KIFC3: variants seen among roughly 807,000 people sequenced by gnomAD.
The protein encoded by KIFC3 is kinesin-like protein KIFC3.
A neutral mutation model predicts 101.8 loss-of-function variants in KIFC3; 60 were observed. The ratio of observed to expected loss-of-function variants is 0.59; its 90% CI spans 0.48 to 0.73. The LOEUF is 0.73. Among genes scored for constraint, KIFC3 ranks in the 30% least tolerant of loss-of-function variants. The pLI is 0.00. For missense variants in KIFC3, 966 were observed against 1,137.1 expected, an observed-to-expected ratio of 0.85 and a Z score of 2.16; for synonymous variants, 476 against 482.7, an observed-to-expected ratio of 0.99 and a Z score of 0.18.
intron 3 of KIFC3, among the ~76,000 whole-genome samples, chr16:57,791,956 CT>C (rs2149171245): frequency 6.6e-6 from 1 of 152,342 alleles, no homozygotes; most frequent in Non-Finnish European, 1.5e-5. Flanking sequence ...AAGACTGTCC[CT>C]GAAGCAACAT....
At chr16:57,858,466 T>C (rs1472586470) in intron 1 of KIFC3, among the ~76,000 whole-genome samples, 4 of 152,144 alleles carry the variant, frequency 2.6e-5, no homozygotes, top group African/African-American at 4.8e-5. Flanking sequence ...CAATATAAGG[T>C]CCGTGAACCA....
chr16:57,785,084 C>A (rs2053177063), intron 3 of KIFC3, among the ~76,000 whole-genome samples: 1 of 152,222 alleles, frequency 6.6e-6, no homozygotes. Context: ...TCCGCTCAGG[C>A]TGCCCAGTGC....
chr16:57,798,813 G>A (rs1362306945), intron 1 of KIFC3, among the ~76,000 whole-genome samples: 1 of 152,206 alleles, frequency 6.6e-6, no homozygotes, highest in African/African-American at 2.4e-5. Context: ...AATGACAAGT[G>A]AAGTCTATAT....
intron 7 of KIFC3, 116 bp downstream of exon 7, chr16:57,770,409 GGA>G: frequency 1.1e-6 from 1 of 930,762 alleles, no homozygotes; most frequent in South Asian, 2.7e-5. Context: ...TGGCCATCGG[GGA>G]GAGGAGGGAC....
intron 1 of KIFC3, among the ~76,000 whole-genome samples, chr16:57,836,374 C>T (rs983250061): frequency 6.6e-6 from 1 of 150,706 alleles, no homozygotes; most frequent in African/African-American, 2.4e-5. Context: ...CAGCCTCCCA[C>T]AGTGCTGGCA....
At chr16:57,859,502 G>A (rs74019709) in intron 1 of KIFC3, among the ~76,000 whole-genome samples, 3,204 of 152,214 alleles carry the variant, frequency 0.021, 117 homozygotes, top group African/African-American at 0.073. Context: ...ACTAATTATA[G>A]CTGTTTTCAC....
At chr16:57,825,644 G>GGTTGT (rs2149284901) in intron 1 of KIFC3, among the ~76,000 whole-genome samples, 1 of 152,194 alleles carries the variant, frequency 6.6e-6, no homozygotes, top group South Asian at 2.1e-4. Context: ...ACAATTCTGA[G>GGTTGT]GTTGTTTTCT....
intron 1 of KIFC3, among the ~76,000 whole-genome samples, chr16:57,810,977 C>G (rs1167078836): frequency 1.3e-5 from 2 of 152,182 alleles, no homozygotes; most frequent in Non-Finnish European, 2.9e-5. Context: ...CATGCCCCTC[C>G]CTGGGTAAAG....
chr16:57,847,286 AGAGAGGGCGGGG>A lies in KIFC3; in HGVS notation c.108+15431_108+15442del, dbSNP rs1419544224. 2.2e-3 allele frequency among the ~76,000 whole-genome samples: 142 copies of A among 64,704 alleles called. 3 individuals carry two copies. The highest frequency in any genetic ancestry group is 8.2e-3 in the African/African-American group (130 of 15,858). 42.4% of individuals were successfully genotyped at this position (64,704 alleles called of 152,430 possible). On this transcript the variant is annotated intron_variant, in intron 1 of 2. Coordinates refer to the KIFC3 transcript ENST00000563028. Reference sequence around the variant, plus strand: ...AGGAAGGAAGGGAAGGGAGGGAGGGAGAGAGGGCGGGGAGGGAGGGAGGGAGGGAGAGGTGGC... The same window carrying A: ...AGGAAGGAAGGGAAGGGAGGGAGGGAAGGGAGGGAGGGAGGGAGAGGTGGC...
intron 16 of KIFC3, 97 bp downstream of exon 16, chr16:57,760,629 G>T: frequency 8.5e-7 from 1 of 1,180,174 alleles, no homozygotes; most frequent in East Asian, 2.4e-5. Flanking sequence ...GTCTAGGGGC[G>T]GGGAGGTCCA....
Position 57,769,911 on chromosome 16 carries a change from C to G in KIFC3, c.984G>C (p.Met328Ile), listed in dbSNP as rs782813754. ...CTTCCAGGGACTGCATCTCCTCCAG[C>G]ATCTGCCCATGGGCCCGCTCCAGCT... ...ESELERAHGQ[M>I]LEEMQSLEED... is the part of the protein sequence containing the mutation. The change falls in exon 8 of 20, where the codon ATG (methionine) becomes ATC (isoleucine). Residue 328 changes from methionine (M) to isoleucine (I), a missense_variant. Physicochemically the swap from Met to Ile is conservative, Grantham distance 10. Coordinates refer to ENST00000445690, the MANE Select transcript of KIFC3 (RefSeq NM_001130100.2). This position sits in a 1 kb window ranked among gnomAD's most constrained non-coding sequence, Gnocchi z 4.3. 3 of 1,613,896 alleles carry G rather than the reference C, an allele frequency of 1.9e-6. No individual in the cohort carries two copies. The highest frequency in any genetic ancestry group is 2.5e-6 in the Non-Finnish European group (3 of 1,180,032).
intron 1 of KIFC3, among the ~76,000 whole-genome samples, chr16:57,840,687 G>C (rs2055786259): frequency 6.6e-6 from 1 of 151,350 alleles, no homozygotes; most frequent in Non-Finnish European, 1.5e-5. Context: ...TTGAACCCAG[G>C]AGGCAGAGGT....
chr16:57,810,604 G>A (rs1208632929), intron 1 of KIFC3: 12 of 965,718 alleles, frequency 1.2e-5, no homozygotes, highest in Non-Finnish European at 1.5e-5. Context: ...GGAGGGGAGG[G>A]ACAAACTTCC....
At chr16:57,814,478 C>T (rs774008429) in intron 1 of KIFC3, among the ~76,000 whole-genome samples, 49 of 152,260 alleles carry the variant, frequency 3.2e-4, no homozygotes, top group South Asian at 8.3e-4. Context: ...TTATTGAGCA[C>T]GTACTATGTG....
At chr16:57,826,084 C>T (rs1229323381) in intron 1 of KIFC3, among the ~76,000 whole-genome samples, 3 of 152,266 alleles carry the variant, frequency 2.0e-5, no homozygotes, top group Admixed American at 1.3e-4. Context: ...CGTCCTCTGC[C>T]TCCCTCCTCT....
In KIFC3 at chr16:57,771,584, T is replaced by C. The variant is rs140615675; in HGVS notation, c.484A>G (p.Thr162Ala). The C allele has an allele frequency of 1.4e-5, 23 of 1,613,464 alleles. No individual in the cohort carries two copies. In the African/African-American group the frequency reaches 3.1e-4, roughly 22 times the overall value. Residue 162 changes from threonine (T) to alanine (A), a missense_variant, in exon 5 of 20, where the codon ACA (threonine) becomes GCA (alanine). Coordinates refer to ENST00000445690, the MANE Select transcript of KIFC3 (RefSeq NM_001130100.2). ...RCEAELQELRTKPAGPCPGCE... is the reference protein window; with the variant it reads ...RCEAELQELRAKPAGPCPGCE... Reference sequence around the variant, plus strand: ...CCTGGGCAGGGACCTGCTGGCTTTGTGCGCAGCTCTTGCAGCTCGGCCTCA... The same window carrying C: ...CCTGGGCAGGGACCTGCTGGCTTTGCGCGCAGCTCTTGCAGCTCGGCCTCA...
intron 1 of KIFC3, among the ~76,000 whole-genome samples, chr16:57,856,026 T>A (rs761022966): frequency 6.7e-6 from 1 of 148,858 alleles, no homozygotes; most frequent in South Asian, 2.1e-4. Flanking sequence ...AATTAATAAA[T>A]GGTAATGGAA....
At chr16:57,839,737 C>A (rs751217734) in intron 1 of KIFC3, among the ~76,000 whole-genome samples, 5 of 152,146 alleles carry the variant, frequency 3.3e-5, no homozygotes, top group African/African-American at 1.2e-4. Context: ...TTATTCATTT[C>A]TTTACATTTG....
chr16:57,851,946 G>A (rs1459524713), intron 1 of KIFC3, among the ~76,000 whole-genome samples: 1 of 151,996 alleles, frequency 6.6e-6, no homozygotes, highest in Non-Finnish European at 1.5e-5. Flanking sequence ...TCTCCATGTT[G>A]GCCAGGCTGG....
Sources: allele counts gnomAD v4.1 joint callset (sites outside exome capture counted in the v4.1 genomes callset), GRCh38; gene constraint gnomAD v4.1.1; non-coding constraint Gnocchi (gnomAD v3.1); transcripts MANE v1.5; gene names NCBI Gene and HGNC (gene_info 2026-07-23, HGNC 2026-07-21).